HS6ST2: variants seen among roughly 807,000 people sequenced by gnomAD.
The protein encoded by HS6ST2 is heparan sulfate 6-O-sulfotransferase 2.
Under a neutral mutation model 33.0 loss-of-function variants are expected in HS6ST2, and 17 were observed. The observed-to-expected ratio is 0.52, with a 90% confidence interval of 0.35 to 0.77. The LOEUF (loss-of-function observed/expected upper bound fraction) is 0.77. Among genes scored for constraint, HS6ST2 ranks in the 30% least tolerant of loss-of-function variants. The pLI is 0.01. For synonymous variants in HS6ST2, 248 were observed against 237.1 expected (o/e 1.05, Z -0.42); for missense variants, 519 against 551.7 (o/e 0.94, Z 0.59).
Position 132,645,653 on chromosome X carries a change from A to G in HS6ST2, c.1068-16560T>C, listed in dbSNP as rs1224227525. ...TACGTGGTGGAAAGAATGTGCTGAC[A>G]GTTGAAATATGGGCAGGTACATTTT... is the stretch of plus-strand genomic sequence containing the variant. On this transcript the variant is annotated intron_variant, in intron 4 of 4. Transcript: ENST00000370833. 2.3e-4 allele frequency among the ~76,000 whole-genome samples: 26 copies of G among 112,282 alleles called. No individual in the cohort carries two copies. In the Admixed American group the frequency reaches 2.4e-3, roughly 11 times the overall value.
intron 2 of HS6ST2, among the ~76,000 whole-genome samples, chrX:132,923,129 G>T (rs192121539): frequency 9.1e-6 from 1 of 109,683 alleles, no homozygotes; most frequent in Non-Finnish European, 1.9e-5. Context: ...AAAGGCCTAG[G>T]ATCAATAGAA....
At chrX:132,742,752 C>T (rs1192353994) in intron 2 of HS6ST2, among the ~76,000 whole-genome samples, 3 of 112,387 alleles carry the variant, frequency 2.7e-5, no homozygotes, top group Non-Finnish European at 3.8e-5. Flanking sequence ...TCTGGCTTTC[C>T]GTGTCACTAC....
chrX:132,904,239 A>T (rs1602847755), intron 2 of HS6ST2, among the ~76,000 whole-genome samples: 1 of 112,245 alleles, frequency 8.9e-6, no homozygotes, highest in African/African-American at 3.2e-5. Flanking sequence ...ATGGAGTTAT[A>T]TTTTAAATTT....
At chrX:132,878,916 T>A (rs1010924479) in intron 2 of HS6ST2, among the ~76,000 whole-genome samples, 7 of 111,051 alleles carry the variant, frequency 6.3e-5, no homozygotes, top group Non-Finnish European at 9.4e-5. Context: ...TAAGTAATGA[T>A]GCCTGGGAAA....
intron 4 of HS6ST2, among the ~76,000 whole-genome samples, chrX:132,631,529 C>A (rs142451672): frequency 2.2e-3 from 245 of 110,546 alleles, no homozygotes; most frequent in African/African-American, 7.1e-3. Flanking sequence ...TAGTACTCAT[C>A]CATTCAGTGC....
chrX:132,681,739 T>C (rs145868354), intron 3 of HS6ST2, among the ~76,000 whole-genome samples: 2,742 of 112,497 alleles, frequency 0.024, 57 homozygotes, highest in East Asian at 0.14. Flanking sequence ...GTCACCTCTT[T>C]GTAATATAGG....
At chrX:132,760,562 G>A (rs2064109458) in intron 2 of HS6ST2, among the ~76,000 whole-genome samples, 4 of 111,612 alleles carry the variant, frequency 3.6e-5, no homozygotes. Flanking sequence ...ATCCAGTCTC[G>A]GCTATTTCTT....
rs143129792 is a variant in HS6ST2, at chrX:132,823,176, A to C, written c.948-114682T>G. On this transcript the variant is annotated intron_variant, in intron 2 of 4. Transcript: ENST00000370833. ...AAGATATGGAATGGCTTGCCTATGG[A>C]GTCCTCTTTATGCACAAATCTCATG... is the stretch of plus-strand genomic sequence containing the variant. Among the ~76,000 whole-genome samples, 11 of 112,505 alleles carry C rather than the reference A, an allele frequency of 9.8e-5. No homozygotes were observed. The East Asian group carries it at 2.8e-3, about 29-fold the overall frequency.
intron 2 of HS6ST2, among the ~76,000 whole-genome samples, chrX:132,891,965 A>T (rs1356743670): frequency 1.8e-5 from 2 of 111,541 alleles, no homozygotes; most frequent in South Asian, 3.8e-4. Flanking sequence ...CACCACACTG[A>T]CTTCCACAAT....
chrX:132,681,407 C>T (rs1247576264), intron 3 of HS6ST2, among the ~76,000 whole-genome samples: 1 of 111,777 alleles, frequency 8.9e-6, no homozygotes, highest in East Asian at 2.8e-4. Context: ...GGTTTGTTTC[C>T]TTTATTATGT....
chrX:132,956,184 A>T (rs2067069060), intron 2 of HS6ST2, among the ~76,000 whole-genome samples: 1 of 111,710 alleles, frequency 9.0e-6, no homozygotes, highest in African/African-American at 3.3e-5. Flanking sequence ...GAGCGAGGTG[A>T]TAAAAGTCCG....
intron 2 of HS6ST2, among the ~76,000 whole-genome samples, chrX:132,835,899 G>A (rs2065638233): frequency 8.9e-6 from 1 of 111,921 alleles, no homozygotes; most frequent in African/African-American, 3.2e-5. Context: ...TTGGGTGACA[G>A]AGCAAGACTG....
At chrX:132,701,782 G>A (rs1214765394) in intron 3 of HS6ST2, among the ~76,000 whole-genome samples, 1 of 112,034 alleles carries the variant, frequency 8.9e-6, no homozygotes, top group Non-Finnish European at 1.9e-5. Flanking sequence ...GAGTTAACAT[G>A]CTTTTCTTGG....
chrX:132,956,502 G>A (rs1181056253), intron 2 of HS6ST2, among the ~76,000 whole-genome samples: 1 of 112,080 alleles, frequency 8.9e-6, no homozygotes, highest in Admixed American at 9.3e-5. Flanking sequence ...CGGAGACTGA[G>A]TACGATGCCC....
At chrX:132,917,617 A>G (rs774667543) in intron 2 of HS6ST2, among the ~76,000 whole-genome samples, 2 of 110,997 alleles carry the variant, frequency 1.8e-5, no homozygotes, top group South Asian at 7.7e-4. Flanking sequence ...GACCCTGTTG[A>G]AAGATGTTTC....
chrX:132,838,819 T>C (rs1384872851), intron 2 of HS6ST2, among the ~76,000 whole-genome samples: 1 of 109,094 alleles, frequency 9.2e-6, no homozygotes, highest in Non-Finnish European at 1.9e-5. Flanking sequence ...GCAAAAGACA[T>C]GAATAGTCAT....
chrX:132,932,054 T>C (rs1005685678), intron 2 of HS6ST2, among the ~76,000 whole-genome samples: 6 of 108,914 alleles, frequency 5.5e-5, no homozygotes, highest in Non-Finnish European at 1.1e-4. Flanking sequence ...GGCGTGGTGG[T>C]GGGCGCCTGT....
At chrX:132,704,293 G>T (rs1449996756) in intron 3 of HS6ST2, among the ~76,000 whole-genome samples, 1 of 112,362 alleles carries the variant, frequency 8.9e-6, no homozygotes, top group Non-Finnish European at 1.9e-5. Context: ...GGTGGCTCAC[G>T]CCGGTAATCC....
intron 2 of HS6ST2, among the ~76,000 whole-genome samples, chrX:132,841,259 C>A (rs1338877409): frequency 1.8e-5 from 2 of 111,099 alleles, no homozygotes; most frequent in Non-Finnish European, 3.8e-5. Context: ...GAGGTTTTTC[C>A]CCCCAAAATC....
Sources: gnomAD v4.1 joint callset for allele counts (sites outside exome capture counted in the v4.1 genomes callset) on GRCh38, gnomAD v4.1.1 for gene constraint, MANE v1.5 for transcripts, NCBI Gene and HGNC (gene_info 2026-07-23, HGNC 2026-07-21) for gene names.